Variants in SPECC1 observed in about 807,000 individuals in gnomAD.
SPECC1 encodes the protein cytospin-B.
SPECC1 carries 62 observed loss-of-function variants against 104.1 expected under a neutral mutation model. That is an observed-to-expected ratio of 0.60 (90% CI 0.49 to 0.74). The LOEUF (loss-of-function observed/expected upper bound fraction) is 0.74, where lower values mean the gene tolerates loss of function less well. SPECC1 is among the 30% of genes least tolerant of loss of function. The pLI, the probability that SPECC1 is intolerant of heterozygous loss-of-function variation, is 0.00. For missense variants in SPECC1, 1,306 were observed against 1,310.5 expected, an observed-to-expected ratio of 1.00 and a Z score of 0.05; for synonymous variants, 513 against 501.6, an observed-to-expected ratio of 1.02 and a Z score of -0.30.
rs1427784748 is a variant in SPECC1 at position 20,146,096 on chromosome 17, T to TA, written c.283+35535dup. 1.1e-4 allele frequency among the ~76,000 whole-genome samples: 17 copies of TA among 152,298 alleles called. No homozygotes were observed. In the East Asian group the frequency reaches 3.1e-3, roughly 28 times the overall value. On this transcript the variant is annotated intron_variant, in intron 3 of 14. Transcript: ENST00000395527. ...TTGTTATTAACTAAAGTCCATAGTT[T>TA]ATGTTAGGGTTCACTTTTGGTGGTG...
At chr17:20,286,322 G>A (rs2040944434) in intron 12 of SPECC1, among the ~76,000 whole-genome samples, 1 of 152,118 alleles carries the variant, frequency 6.6e-6, no homozygotes, top group South Asian at 2.1e-4. Flanking sequence ...AATGCCTGCT[G>A]GGCTGCTTTT....
At chr17:20,273,585 T>C (rs2040481330) in intron 12 of SPECC1, among the ~76,000 whole-genome samples, 1 of 152,198 alleles carries the variant, frequency 6.6e-6, no homozygotes, top group African/African-American at 2.4e-5. Context: ...CACTGTCCTC[T>C]GGGTGTGCAC....
At chr17:20,180,203 G>A (rs2151222294) in intron 3 of SPECC1, among the ~76,000 whole-genome samples, 1 of 152,248 alleles carries the variant, frequency 6.6e-6, no homozygotes, top group South Asian at 2.1e-4. Flanking sequence ...TATCAAATTA[G>A]CAAAAGCGAG....
chr17:20,290,610 G>A (rs1001150749), intron 12 of SPECC1, among the ~76,000 whole-genome samples: 2 of 152,128 alleles, frequency 1.3e-5, no homozygotes, highest in African/African-American at 2.4e-5. Flanking sequence ...TGCCTCCTGA[G>A]TTCAAGCAAT....
chr17:20,121,661 T>G (rs2049038595), intron 3 of SPECC1, among the ~76,000 whole-genome samples: 1 of 152,212 alleles, frequency 6.6e-6, no homozygotes, highest in Non-Finnish European at 1.5e-5. Flanking sequence ...TTTTTCTCCC[T>G]GAGGTGTCCT....
At chr17:20,259,431 CTT>C (rs1226333445) in intron 11 of SPECC1, among the ~76,000 whole-genome samples, 1 of 152,154 alleles carries the variant, frequency 6.6e-6, no homozygotes, top group Non-Finnish European at 1.5e-5. Flanking sequence ...CAATTTTACA[CTT>C]ACGTTATTGA....
chr17:20,299,555 CAAAAA>C (rs57493380), intron 13 of SPECC1, among the ~76,000 whole-genome samples: 10 of 40,368 alleles, frequency 2.5e-4, no homozygotes, highest in African/African-American at 7.2e-4. Flanking sequence ...GACCCTGTCT[CAAAAA>C]AAAAAAAAAA....
At chr17:20,175,253 C>T (rs1265166773) in intron 3 of SPECC1, among the ~76,000 whole-genome samples, 1 of 152,228 alleles carries the variant, frequency 6.6e-6, no homozygotes, top group Non-Finnish European at 1.5e-5. Flanking sequence ...ACTCATAAGT[C>T]ATTTGCCCTA....
At chr17:20,115,027 G>A (rs561842874) in intron 3 of SPECC1, among the ~76,000 whole-genome samples, 1 of 152,196 alleles carries the variant, frequency 6.6e-6, no homozygotes, top group South Asian at 2.1e-4. Flanking sequence ...TACCTCTGTA[G>A]AAATAACCTA....
intron 13 of SPECC1, among the ~76,000 whole-genome samples, chr17:20,304,100 C>A: frequency 7.0e-6 from 1 of 143,400 alleles, no homozygotes; most frequent in Non-Finnish European, 1.5e-5. Context: ...GACGAAACCC[C>A]TTCTCTACTA....
intron 4 of SPECC1, 97 bp downstream of exon 4, chr17:20,206,009 A>T: frequency 6.8e-7 from 1 of 1,460,298 alleles, no homozygotes; most frequent in South Asian, 1.4e-5. Context: ...GCATTTGCTT[A>T]GTCTGTTTCA....
intron 3 of SPECC1, among the ~76,000 whole-genome samples, chr17:20,118,625 CT>C (rs1233815444): frequency 2.6e-5 from 4 of 152,032 alleles, no homozygotes; most frequent in African/African-American, 7.2e-5. Flanking sequence ...TTAAAATCAA[CT>C]TTTTTTTCCT....
At chr17:20,213,485 T>C (rs754982366) in intron 4 of SPECC1, among the ~76,000 whole-genome samples, 1 of 152,232 alleles carries the variant, frequency 6.6e-6, no homozygotes, top group Non-Finnish European at 1.5e-5. Flanking sequence ...CTAAGACTAA[T>C]AGTTGTCACT....
chr17:20,173,690 G>T (rs2034258410), intron 3 of SPECC1, among the ~76,000 whole-genome samples: 1 of 152,194 alleles, frequency 6.6e-6, no homozygotes, highest in Non-Finnish European at 1.5e-5. Context: ...AAAGGTACAT[G>T]AACAAAGCTA....
At chr17:20,121,797 A>G (rs1490627044) in intron 3 of SPECC1, among the ~76,000 whole-genome samples, 1 of 152,234 alleles carries the variant, frequency 6.6e-6, no homozygotes, top group Non-Finnish European at 1.5e-5. Flanking sequence ...AAGGCTGTCA[A>G]GGAATCCAGC....
intron 12 of SPECC1, among the ~76,000 whole-genome samples, chr17:20,265,403 C>T (rs2040185645): frequency 6.6e-6 from 1 of 152,104 alleles, no homozygotes; most frequent in Non-Finnish European, 1.5e-5. Flanking sequence ...GTATATATGT[C>T]TTCTTTTGAG....
chr17:20,167,030 G>A (rs903756613), intron 3 of SPECC1, among the ~76,000 whole-genome samples: 1 of 151,456 alleles, frequency 6.6e-6, no homozygotes, highest in Non-Finnish European at 1.5e-5. Context: ...AAAAGCCTAA[G>A]AGTATGTTCT....
intron 13 of SPECC1, among the ~76,000 whole-genome samples, chr17:20,304,861 G>A (rs942176159): frequency 3.3e-5 from 5 of 151,928 alleles, no homozygotes; most frequent in African/African-American, 4.8e-5. Flanking sequence ...ATAGAATGGC[G>A]GCAGCCACAA....
chr17:20,093,357 G>A (rs574818202), intron 1 of SPECC1, among the ~76,000 whole-genome samples: 7 of 152,300 alleles, frequency 4.6e-5, no homozygotes, highest in African/African-American at 1.7e-4. Context: ...TACCACAATG[G>A]GGGTTAGGTT....
Sources: allele counts gnomAD v4.1 joint callset (sites outside exome capture counted in the v4.1 genomes callset), GRCh38; gene constraint gnomAD v4.1.1; transcripts MANE v1.5; gene names NCBI Gene and HGNC (gene_info 2026-07-23, HGNC 2026-07-21).